The following CNOT8 variants were observed in gnomAD, a reference collection of about 807,000 sequenced individuals.
CNOT8 encodes CCR4-NOT transcription complex subunit 8.
Under a neutral mutation model 34.6 loss-of-function variants are expected in CNOT8, and 18 were observed. The observed-to-expected ratio is 0.52, with a 90% CI of 0.36 to 0.77. The LOEUF is 0.77. CNOT8 is among the 30% of genes least tolerant of loss of function. The pLI, the probability that CNOT8 is intolerant of heterozygous loss-of-function variation, is 0.00. For missense variants in CNOT8, 189 were observed against 347.9 expected (o/e 0.54, Z 3.63); for synonymous variants, 101 against 118.8 (o/e 0.85, Z 0.98).
At chr5:154,870,234 G>A (rs1359975531) in intron 3 of CNOT8, among the ~76,000 whole-genome samples, 1 of 148,774 alleles carries the variant, frequency 6.7e-6, no homozygotes, top group African/African-American at 2.6e-5. Context: ...GTGTGTGTGT[G>A]TGTTGTTTTT....
In CNOT8 at chr5:154,860,925, TTTG is replaced by T. The variant is rs566166884; in HGVS notation, c.-73+2167_-73+2169del. 2.2e-3 allele frequency among the ~76,000 whole-genome samples: 331 copies of T among 152,328 alleles called. 2 individuals are homozygous for T. Among genetic ancestry groups the T allele is most frequent in the Non-Finnish European group, 3.5e-3 (238 of 68,038 alleles). On this transcript the variant is annotated intron_variant, in intron 1 of 6. Coordinates refer to ENST00000285896, the MANE Select transcript of CNOT8 (RefSeq NM_001301073.2). ...GGCGTCTTTTGGTTGTGTGGGGTTT[TTTG>T]TTGTTGTTGCTTTTGCTTTTACGGA...
intron 3 of CNOT8, among the ~76,000 whole-genome samples, chr5:154,867,063 T>C (rs1034725790): frequency 2.6e-5 from 4 of 152,264 alleles, no homozygotes; most frequent in African/African-American, 9.6e-5. Context: ...GCAGTGGTTT[T>C]CTTATTGTCT....
Position 154,875,527 on chromosome 5 carries a change from T to G in CNOT8, c.*88T>G, listed in dbSNP as rs1451120739. 6.3e-6 allele frequency: 9 copies of G among 1,436,564 alleles called. No individual in the cohort carries two copies. In the Admixed American group the frequency reaches 1.0e-4, roughly 16 times the overall value. 89.0% of individuals were successfully genotyped at this position (1,436,564 alleles called of 1,614,324 possible). ...CTTATCTTCCCCAAGAGAAAATGCT[T>G]CTTTTGAGCACACTGTACCTACCAT... On this transcript the variant is annotated 3_prime_UTR_variant, in exon 7 of 7. Coordinates refer to ENST00000285896, the MANE Select transcript of CNOT8 (RefSeq NM_001301073.2).
chr5:154,859,288 G>C (rs1333159434), intron 1 of CNOT8: 1 of 152,216 alleles, frequency 6.6e-6, no homozygotes, highest in Non-Finnish European at 1.5e-5. Context: ...CGGAGTAGTG[G>C]GGAGGAGGAC....
At position 154,865,233 on chromosome 5, in the gene CNOT8, A is replaced by G. The variant is rs1303631195; in HGVS notation, c.159A>G (p.Glu53=). 1 of 1,605,068 alleles carries G rather than the reference A, an allele frequency of 6.2e-7. No homozygotes were observed. Among genetic ancestry groups the G allele is most frequent in the South Asian group, 1.1e-5 (1 of 88,770 alleles). The change falls in exon 3 of 7, where the codon GAA becomes GAG. Residue 53 remains glutamate (E), a synonymous_variant. Transcript: ENST00000285896. ...FPGVVVRPIG[E]FRSSIDYQYQ... The stretch of plus-strand genomic sequence containing the variant: ...GTGTTGTGGTGCGACCAATTGGTGA[A>G]TTTCGTAGTTCCATAGATTACCAAT...
At position 154,864,951 on chromosome 5, in the gene CNOT8, A is replaced by C. The variant is rs189426925; in HGVS notation, c.118-241A>C. Among the ~76,000 whole-genome samples the C allele has an allele frequency of 4.6e-3, 697 of 152,128 alleles. 7 individuals carry two copies. Among genetic ancestry groups the C allele is most frequent in the African/African-American group, 0.016 (670 of 41,488 alleles). ...AGCTACTTAGGGAGGCTGAGGTGGG[A>C]GGATTGATTGCACCTGTGAGGTTGA... On this transcript the variant is annotated intron_variant, in intron 2 of 6. Coordinates refer to ENST00000285896, the MANE Select transcript of CNOT8 (RefSeq NM_001301073.2).
chr5:154,868,541 T>TA (rs1582603366), intron 3 of CNOT8, among the ~76,000 whole-genome samples: 2 of 148,518 alleles, frequency 1.3e-5, no homozygotes, highest in South Asian at 4.1e-4. Context: ...TGGGATTACA[T>TA]ACAGTTGTGA....
chr5:154,868,169 C>T (rs1015574198), intron 3 of CNOT8, among the ~76,000 whole-genome samples: 3 of 151,924 alleles, frequency 2.0e-5, no homozygotes, highest in Admixed American at 2.0e-4. Flanking sequence ...GAACTCCTGA[C>T]CTTGTGATCC....
Position 154,870,459 on chromosome 5 carries a change from A to C in CNOT8, c.312-202A>C, listed in dbSNP as rs1762386405. 6.9e-6 allele frequency: 3 copies of C among 436,520 alleles called. No homozygotes were observed. The East Asian group carries it at 1.2e-4, about 18-fold the overall frequency. 27.0% of individuals were successfully genotyped at this position (436,520 alleles called of 1,614,324 possible). On this transcript the variant is annotated intron_variant, in intron 3 of 6. Transcript: ENST00000285896. ...AATTAGGAAATTTAGTTTATGGAGG[A>C]AAATCTCATTTTTCTATCTGTCACA...
chr5:154,875,191 C>T, intron 6 of CNOT8, 99 bp from the exon 7 acceptor site: 1 of 1,345,282 alleles, frequency 7.4e-7, no homozygotes, highest in Non-Finnish European at 1.0e-6. Flanking sequence ...TGCTTGGATT[C>T]CAGACGTGAG....
intron 3 of CNOT8, among the ~76,000 whole-genome samples, chr5:154,866,110 T>C (rs1356119414): frequency 6.6e-6 from 1 of 152,204 alleles, no homozygotes; most frequent in Non-Finnish European, 1.5e-5. Context: ...GTACTTCCTA[T>C]TGTATCCTGC....
intron 3 of CNOT8, among the ~76,000 whole-genome samples, chr5:154,868,413 G>A (rs1762135465): frequency 6.6e-6 from 1 of 150,676 alleles, no homozygotes; most frequent in Admixed American, 6.6e-5. Flanking sequence ...GATTACAGGT[G>A]CCCACCATGC....
At chr5:154,872,126 A>G (rs1479369883) in intron 5 of CNOT8, among the ~76,000 whole-genome samples, 1 of 152,208 alleles carries the variant, frequency 6.6e-6, no homozygotes, top group Non-Finnish European at 1.5e-5. Context: ...GAACCTAATG[A>G]AAAGGTATAA....
At position 154,875,311 on chromosome 5, in the gene CNOT8, G is replaced by A. The variant is rs1297390673; in HGVS notation, c.751G>A (p.Asp251Asn). 1 of 1,614,096 alleles carries A rather than the reference G, an allele frequency of 6.2e-7. No individual in the cohort carries two copies. The highest frequency in any genetic ancestry group is 8.5e-7 in the Non-Finnish European group (1 of 1,180,028). The change falls in exon 7 of 7, where the codon GAT becomes AAT. Residue 251 changes from aspartate (D) to asparagine (N), a missense_variant. Asp to Asn is a conservative substitution (Grantham distance 23). This residue lies in a region of CNOT8 where 160 missense variants were observed against 321.9 expected (regional missense o/e 0.50). Transcript: ENST00000285896. ...MKELFFEDSIDDAKYCGRLYG... is the reference protein window; with the variant it reads ...MKELFFEDSINDAKYCGRLYG... ...GCAGTTGTTTTTTGAGGACAGCATTGATGATGCCAAGTACTGTGGGCGGCT... is the reference window on the plus strand; with the variant it reads ...GCAGTTGTTTTTTGAGGACAGCATTAATGATGCCAAGTACTGTGGGCGGCT...
chr5:154,864,198 C>T (rs1761636312), intron 2 of CNOT8, among the ~76,000 whole-genome samples: 1 of 152,148 alleles, frequency 6.6e-6, no homozygotes, highest in South Asian at 2.1e-4. Flanking sequence ...CGGTGGCTCA[C>T]GCCTGTAATC....
At chr5:154,863,900 A>G (rs1761601307) in intron 2 of CNOT8, among the ~76,000 whole-genome samples, 1 of 152,106 alleles carries the variant, frequency 6.6e-6, no homozygotes, top group South Asian at 2.1e-4. Flanking sequence ...TATTGCCAGC[A>G]TTTAAAAGTC....
intron 6 of CNOT8, among the ~76,000 whole-genome samples, chr5:154,873,533 T>A (rs1762674511): frequency 6.6e-6 from 1 of 152,224 alleles, no homozygotes; most frequent in Non-Finnish European, 1.5e-5. Flanking sequence ...AAAATTAGAC[T>A]CTTAATTTCT....
intron 1 of CNOT8, among the ~76,000 whole-genome samples, 171 bp from the exon 2 acceptor site, chr5:154,863,034 CAT>C (rs1491431079): frequency 9.9e-5 from 15 of 151,786 alleles, no homozygotes; most frequent in African/African-American, 2.9e-4. Flanking sequence ...TGCGTGTGTG[CAT>C]GTGTGTGTGT....
At chr5:154,871,526 C>T (rs916981986) in intron 4 of CNOT8, among the ~76,000 whole-genome samples, 2 of 144,636 alleles carry the variant, frequency 1.4e-5, no homozygotes, top group African/African-American at 5.2e-5. Context: ...TGCCATTGCA[C>T]TCCAGCCTGG....
Sources: allele counts gnomAD v4.1 joint callset (sites outside exome capture counted in the v4.1 genomes callset), GRCh38; gene constraint gnomAD v4.1.1; regional missense constraint gnomAD v4.1.1; transcripts MANE v1.5; gene names NCBI Gene and HGNC (gene_info 2026-07-23, HGNC 2026-07-21).